Variants in COPS7B observed in about 807,000 individuals in gnomAD.
COPS7B encodes COP9 signalosome subunit 7B.
COPS7B carries 9 observed loss-of-function variants against 33.4 expected under a neutral mutation model. That is an observed-to-expected ratio of 0.27 (90% CI 0.16 to 0.47). The LOEUF (loss-of-function observed/expected upper bound fraction) is 0.47, where lower values mean the gene tolerates loss of function less well. Among genes scored for constraint, COPS7B ranks in the 20% least tolerant of loss-of-function variants. COPS7B has a pLI of 0.99. For missense variants in COPS7B, 242 were observed against 318.2 expected, an observed-to-expected ratio of 0.76 and a Z score of 1.82; for synonymous variants, 119 against 126.3, an observed-to-expected ratio of 0.94 and a Z score of 0.39.
intron 6 of COPS7B, chr2:231,801,356 T>C: frequency 7.0e-7 from 1 of 1,423,602 alleles, no homozygotes; most frequent in Non-Finnish European, 9.3e-7. Context: ...ATGAGCTGTT[T>C]CATTATTTCT....
At chr2:231,794,001 C>G in intron 3 of COPS7B, 1 of 436,994 alleles carries the variant, frequency 2.3e-6, no homozygotes, top group South Asian at 3.0e-5. Flanking sequence ...ACAAATAGTA[C>G]TCCATTAAGA....
At position 231,799,395 on chromosome 2, in the gene COPS7B, G is replaced by T. The variant is rs145706437; in HGVS notation, c.636+431G>T. Among the ~76,000 whole-genome samples, 84 of 152,288 alleles carry T rather than the reference G, an allele frequency of 5.5e-4. 1 individual carries two copies. Among genetic ancestry groups the T allele is most frequent in the African/African-American group, 1.9e-3 (79 of 41,566 alleles). On this transcript the variant is annotated intron_variant, in intron 6 of 6. Transcript: ENST00000350033. ...AGTGTTCTGCTTCTTAAGTTGCGTG[G>T]TGGGCACATAGTTTCATTTTATTCT...
chr2:231,788,771 ACTCTGTAATT>A, intron 2 of COPS7B, 39 bp downstream of exon 2: 1 of 1,580,452 alleles, frequency 6.3e-7, no homozygotes, highest in East Asian at 2.2e-5. Flanking sequence ...TTATTCTAAG[ACTCTGTAATT>A]CTCCAGGTTT....
upstream of COPS7B, among the ~76,000 whole-genome samples, chr2:231,782,596 G>A (rs1174191585): frequency 6.6e-6 from 1 of 152,128 alleles, no homozygotes; most frequent in Admixed American, 6.5e-5. Flanking sequence ...TATTTGTCAG[G>A]CACTGAGTGG....
chr2:231,803,546 T>A (rs2049807696), intron 6 of COPS7B, among the ~76,000 whole-genome samples: 1 of 152,084 alleles, frequency 6.6e-6, no homozygotes, highest in Admixed American at 6.5e-5. Context: ...CAGGAGAAAA[T>A]GGCTTGAGGA....
Position 231,791,725 on chromosome 2 carries a change from C to G in COPS7B, c.163-8C>G, listed in dbSNP as rs773005960. ...TGGTCTGTGGTGAACTTTTTTTTTC[C>G]TCTTCAGCTTGCGGAAGGAGCTAAT... On this transcript the variant is annotated splice_region_variant and splice_polypyrimidine_tract_variant and intron_variant, in intron 2 of 6. Transcript: ENST00000350033. 3 of 1,612,342 alleles carry G rather than the reference C, an allele frequency of 1.9e-6. No homozygotes were observed. The highest frequency in any genetic ancestry group is 3.3e-5 in the Admixed American group (2 of 59,712).
At chr2:231,787,943 C>T (rs2049298301) in intron 1 of COPS7B, among the ~76,000 whole-genome samples, 2 of 152,104 alleles carry the variant, frequency 1.3e-5, no homozygotes. Flanking sequence ...CTGAGAAACT[C>T]ATGTGTTTTT....
chr2:231,793,623 CTTTCTT>C (rs917707181), intron 3 of COPS7B: 4 of 152,124 alleles, frequency 2.6e-5, no homozygotes, highest in African/African-American at 9.7e-5. Flanking sequence ...TCCATGAATT[CTTTCTT>C]TTTATCTTCT....
rs1352101794 is a variant in COPS7B, at chr2:231,807,904, C to G, written c.*259C>G. ...ACAGGGTCAGACACTGCCCAGCTTC[C>G]CTCCAGGAGGTTCTTGTCTCTGTGT... On this transcript the variant is annotated 3_prime_UTR_variant, in exon 7 of 7. Coordinates refer to ENST00000350033, the MANE Select transcript of COPS7B (RefSeq NM_022730.4). The G allele has an allele frequency of 2.6e-6, 1 of 383,130 alleles. No individual in the cohort carries two copies. Among genetic ancestry groups the G allele is most frequent in the Non-Finnish European group, 4.7e-6 (1 of 212,482 alleles). The allele number at this position is 383,130 out of a possible 1,614,324, so 23.7% of individuals were successfully genotyped here. A position where few individuals can be genotyped will look rare whatever the true frequency, so the allele number is the denominator to read the frequency against.
In COPS7B at chr2:231,791,987, T is replaced by C. The variant is rs1574658952; in HGVS notation, c.238+179T>C. 8.6e-6 allele frequency: 6 copies of C among 701,140 alleles called. No individual in the cohort carries two copies. In the East Asian group the frequency reaches 1.7e-4, roughly 19 times the overall value. 43.4% of individuals were successfully genotyped at this position (701,140 alleles called of 1,614,324 possible). A position where few individuals can be genotyped will look rare whatever the true frequency, so the allele number is the denominator to read the frequency against. On this transcript the variant is annotated intron_variant, in intron 3 of 6. Coordinates refer to ENST00000350033, the MANE Select transcript of COPS7B (RefSeq NM_022730.4). ...AGGGAATGTTCCTTCTCACCTTTTA[T>C]ATTCTAGTGGGTCAAATGGGGCCTG...
At chr2:231,794,920 T>C (rs2049522517) in intron 4 of COPS7B, among the ~76,000 whole-genome samples, 1 of 137,632 alleles carries the variant, frequency 7.3e-6, no homozygotes, top group Non-Finnish European at 1.6e-5. Flanking sequence ...GCCCGGCTAA[T>C]TTTTTTTTTT....
At chr2:231,786,690 C>T (rs1202302219) in intron 1 of COPS7B, among the ~76,000 whole-genome samples, 152 bp downstream of exon 1, 1 of 152,226 alleles carries the variant, frequency 6.6e-6, no homozygotes, top group East Asian at 1.9e-4. Flanking sequence ...CACTCCACGC[C>T]TGCGGCCCTG....
chr2:231,801,402 C>T, intron 6 of COPS7B: 1 of 606,530 alleles, frequency 1.6e-6, no homozygotes, highest in Non-Finnish European at 2.1e-6. Context: ...ATACTTAGAG[C>T]ATTACAAAGC....
chr2:231,802,094 G>C (rs1460932211), intron 6 of COPS7B, among the ~76,000 whole-genome samples: 1 of 152,112 alleles, frequency 6.6e-6, no homozygotes, highest in Non-Finnish European at 1.5e-5. Flanking sequence ...TTTATATTTG[G>C]ATGTGCCTAT....
chr2:231,803,215 G>A (rs1355295077), intron 6 of COPS7B, among the ~76,000 whole-genome samples: 1 of 152,190 alleles, frequency 6.6e-6, no homozygotes, highest in Non-Finnish European at 1.5e-5. Flanking sequence ...GCAGCAGTCA[G>A]GGCAGTTTGT....
chr2:231,783,608 C>T (rs904000793), upstream of COPS7B, among the ~76,000 whole-genome samples: 3 of 152,142 alleles, frequency 2.0e-5, no homozygotes, highest in Admixed American at 6.5e-5. Context: ...ATTGGGCTGT[C>T]TTCTTATTGA....
chr2:231,800,232 C>A (rs549151270), intron 6 of COPS7B, among the ~76,000 whole-genome samples: 1 of 152,278 alleles, frequency 6.6e-6, no homozygotes, highest in Non-Finnish European at 1.5e-5. Context: ...GAGTTCGAGA[C>A]CAGCCTGGGC....
intron 3 of COPS7B, chr2:231,793,846 G>C (rs557190380): frequency 6.2e-6 from 1 of 161,994 alleles, no homozygotes; most frequent in Non-Finnish European, 1.3e-5. Flanking sequence ...CACACCTCCA[G>C]GTGGTTGGTG....
upstream of COPS7B, chr2:231,781,690 C>T (rs1484639304): frequency 1.0e-5 from 7 of 702,334 alleles, no homozygotes; most frequent in East Asian, 1.4e-4. Context: ...CCCCTGCACT[C>T]GGTTCCTCTG....
Sources: allele counts gnomAD v4.1 joint callset (sites outside exome capture counted in the v4.1 genomes callset), GRCh38; gene constraint gnomAD v4.1.1; transcripts MANE v1.5; gene names NCBI Gene and HGNC (gene_info 2026-07-23, HGNC 2026-07-21).